HSPA4: variants seen among roughly 807,000 people sequenced by gnomAD.
The protein encoded by HSPA4 is heat shock 70 kDa protein 4.
HSPA4 carries 25 observed loss-of-function variants against 106.2 expected under a neutral mutation model. The ratio of observed to expected loss-of-function variants is 0.24; its 90% confidence interval spans 0.17 to 0.33. The LOEUF is 0.33. HSPA4 is among the 10% of genes least tolerant of loss of function. The pLI, the probability that HSPA4 is intolerant of heterozygous loss-of-function variation, is 1.00. For synonymous variants in HSPA4, 332 were observed against 333.6 expected (o/e 1.00, Z 0.05); for missense variants, 841 against 996.0 (o/e 0.84, Z 2.10).
At chr5:133,072,290 A>G (rs1009043849) in intron 4 of HSPA4, among the ~76,000 whole-genome samples, 18 of 152,202 alleles carry the variant, frequency 1.2e-4, no homozygotes, top group Non-Finnish European at 1.9e-4. Context: ...ACCAGGCACA[A>G]GCTTCCCAGA....
At chr5:133,056,626 C>T (rs1235660581) in intron 1 of HSPA4, among the ~76,000 whole-genome samples, 2 of 152,196 alleles carry the variant, frequency 1.3e-5, no homozygotes, top group Non-Finnish European at 2.9e-5. Flanking sequence ...TTATTTCTAA[C>T]TTTTTGCTGT....
At chr5:133,071,589 A>G (rs1765381586) in intron 4 of HSPA4, among the ~76,000 whole-genome samples, 1 of 152,246 alleles carries the variant, frequency 6.6e-6, no homozygotes, top group Non-Finnish European at 1.5e-5. Context: ...ATGTGTGGTT[A>G]CATTGGCTTT....
intron 1 of HSPA4, among the ~76,000 whole-genome samples, chr5:133,056,622 C>A (rs747765111): frequency 2.0e-4 from 31 of 152,198 alleles, no homozygotes; most frequent in Non-Finnish European, 3.4e-4. Flanking sequence ...CAGGTTATTT[C>A]TAACTTTTTG....
chr5:133,070,323 C>T (rs1034043055), intron 3 of HSPA4, 51 bp from the exon 4 acceptor site: 1 of 1,558,646 alleles, frequency 6.4e-7, no homozygotes, highest in African/African-American at 1.4e-5. Flanking sequence ...AGGACTAGGA[C>T]ATGAAGAAAG....
Position 133,104,499 on chromosome 5 carries a change from A to G in HSPA4, c.*63A>G. 6.9e-7 allele frequency: 1 copy of G among 1,447,452 alleles called. No homozygotes were observed. The highest frequency in any genetic ancestry group is 1.8e-4 in the Middle Eastern group (1 of 5,444). 89.7% of individuals were successfully genotyped at this position (1,447,452 alleles called of 1,614,324 possible). ...AGCTTTAAGTTGTCAACTTTGTTCT[A>G]AATATCAACTAGCGCAAGTGAATAC... On this transcript the variant is annotated 3_prime_UTR_variant, in exon 19 of 19. Coordinates refer to ENST00000304858, the MANE Select transcript of HSPA4 (RefSeq NM_002154.4).
chr5:133,074,234 C>A, intron 6 of HSPA4, 108 bp downstream of exon 6: 1 of 614,380 alleles, frequency 1.6e-6, no homozygotes, highest in South Asian at 2.8e-5. Context: ...CAATGCATAC[C>A]TTACAGGGTT....
intron 8 of HSPA4, among the ~76,000 whole-genome samples, 189 bp downstream of exon 8, chr5:133,087,047 A>G (rs1422749342): frequency 2.0e-5 from 3 of 152,216 alleles, no homozygotes; most frequent in Non-Finnish European, 4.4e-5. Flanking sequence ...GTCTAGGGAA[A>G]TCTAATAAAA....
At chr5:133,062,491 G>C (rs1396903821) in intron 1 of HSPA4, among the ~76,000 whole-genome samples, 3 of 152,166 alleles carry the variant, frequency 2.0e-5, no homozygotes, top group Admixed American at 1.3e-4. Flanking sequence ...GAGGAAGTGG[G>C]TAAGATTGCC....
chr5:133,075,428 A>G (rs1765435988), intron 6 of HSPA4, among the ~76,000 whole-genome samples: 1 of 152,162 alleles, frequency 6.6e-6, no homozygotes, highest in Non-Finnish European at 1.5e-5. Flanking sequence ...CAGTTTTGCA[A>G]TCCTTTTGAT....
rs796180332 is a variant in HSPA4, at chr5:133,056,888, CT to C, written c.107+4540del. ...AATGAGTTAAAACTATAACTTATAC[CT>C]TTTTTTTTGCCATAGTGCTCAGAAT... On this transcript the variant is annotated intron_variant, in intron 1 of 18. Coordinates refer to ENST00000304858, the MANE Select transcript of HSPA4 (RefSeq NM_002154.4). 1.6e-3 allele frequency among the ~76,000 whole-genome samples: 245 copies of C among 150,962 alleles called. 1 individual carries two copies. The highest frequency in any genetic ancestry group is 5.4e-3 in the African/African-American group (224 of 41,188).
chr5:133,092,818 T>A (rs775472458), intron 13 of HSPA4, 29 bp downstream of exon 13: 249 of 982,672 alleles, frequency 2.5e-4, no homozygotes, highest in Non-Finnish European at 3.5e-4. Context: ...TTTTTTTTTT[T>A]TTTTTTTTTT....
chr5:133,061,888 C>G (rs1765247899), intron 1 of HSPA4, among the ~76,000 whole-genome samples: 1 of 152,206 alleles, frequency 6.6e-6, no homozygotes, highest in Admixed American at 6.5e-5. Context: ...CCTGCCTTGG[C>G]CTCCCTAAGT....
chr5:133,090,570 A>C (rs938542421), intron 11 of HSPA4, among the ~76,000 whole-genome samples: 2 of 152,196 alleles, frequency 1.3e-5, no homozygotes, highest in African/African-American at 4.8e-5. Context: ...TCTGGAAATA[A>C]TACTAGTTGA....
At chr5:133,084,867 G>GGTTGA (rs1765558950) in intron 7 of HSPA4, among the ~76,000 whole-genome samples, 1 of 151,806 alleles carries the variant, frequency 6.6e-6, no homozygotes, top group African/African-American at 2.4e-5. Context: ...GAGTGCAATG[G>GGTTGA]GTTGATCATG....
chr5:133,076,723 T>C lies in HSPA4; in HGVS notation c.733T>C (p.Cys245Arg), dbSNP rs779912171. The C allele has an allele frequency of 1.4e-5, 22 of 1,613,564 alleles. No individual in the cohort carries two copies. The highest frequency in any genetic ancestry group is 1.9e-5 in the Non-Finnish European group (22 of 1,179,608). Reference protein sequence around the residue: ...KFDEVLVNHFCEEFGKKYKLD... With the variant: ...KFDEVLVNHFREEFGKKYKLD... ...TGATGAAGTGTTAGTAAATCACTTC[T>C]GTGAAGAATTTGGGAAGAAATACAA... is the stretch of plus-strand genomic sequence containing the variant. The change falls in exon 7 of 19, where the codon TGT becomes CGT. Residue 245 changes from cysteine (C) to arginine (R), a missense_variant. Cys to Arg is a radical substitution (Grantham distance 180, BLOSUM62 -3). Coordinates refer to ENST00000304858, the MANE Select transcript of HSPA4 (RefSeq NM_002154.4).
chr5:133,053,850 G>A (rs193208296), intron 1 of HSPA4, among the ~76,000 whole-genome samples: 2 of 151,944 alleles, frequency 1.3e-5, no homozygotes, highest in East Asian at 3.9e-4. Context: ...AGTAGAGACG[G>A]GGTGTTGTCG....
chr5:133,090,628 A>G (rs888505328), intron 11 of HSPA4, among the ~76,000 whole-genome samples: 3 of 152,144 alleles, frequency 2.0e-5, no homozygotes, highest in Non-Finnish European at 4.4e-5. Context: ...ATATATGGGT[A>G]AAGAAATTAG....
chr5:133,086,672 A>C, intron 7 of HSPA4, 110 bp from the exon 8 acceptor site: 3 of 726,138 alleles, frequency 4.1e-6, no homozygotes, highest in Non-Finnish European at 7.2e-6. Context: ...CTGTCTCCAC[A>C]TTTTGCCAGC....
At chr5:133,072,756 C>G (rs1765400787) in intron 4 of HSPA4, among the ~76,000 whole-genome samples, 1 of 152,022 alleles carries the variant, frequency 6.6e-6, no homozygotes, top group Admixed American at 6.6e-5. Flanking sequence ...CTATACCTAG[C>G]ATGAACCAAA....
Sources: gnomAD v4.1 joint callset for allele counts (sites outside exome capture counted in the v4.1 genomes callset) on GRCh38, gnomAD v4.1.1 for gene constraint, MANE v1.5 for transcripts, NCBI Gene and HGNC (gene_info 2026-07-23, HGNC 2026-07-21) for gene names.